The following MGST1 variants were observed in gnomAD, a reference collection of about 807,000 sequenced individuals.
The protein encoded by MGST1 is glutathione S-transferase 12.
MGST1 carries 5 observed loss-of-function variants against 8.9 expected under a neutral mutation model. The ratio of observed to expected loss-of-function variants is 0.56; its 90% CI spans 0.29 to 1.19. The LOEUF is 1.19. Among genes scored for constraint, MGST1 ranks in the 50% most tolerant of loss-of-function variants. The pLI is 0.08. For synonymous variants in MGST1, 54 were observed against 67.8 expected, an observed-to-expected ratio of 0.80 and a Z score of 1.00; for missense variants, 182 against 187.4, an observed-to-expected ratio of 0.97 and a Z score of 0.17.
In MGST1 at chr12:16,553,044, T is replaced by C. The variant is rs1833052346; in HGVS notation, n.483-36484T>C. 3.3e-5 allele frequency among the ~76,000 whole-genome samples: 5 copies of C among 152,260 alleles called. No homozygotes were observed. In the South Asian group the frequency reaches 1.0e-3, roughly 32 times the overall value. On this transcript the variant is annotated intron_variant and non_coding_transcript_variant, in intron 4 of 4. Coordinates refer to the MGST1 transcript ENST00000538857. ...TGGCAAGGAGTAGAAATGAAATATC[T>C]AAAATCTTACCTCAATGTTTGAAAC... is the stretch of plus-strand genomic sequence containing the variant.
Position 16,560,573 on chromosome 12 carries a change from T to C in MGST1, n.483-28955T>C. 1.1e-5 allele frequency: 18 copies of C among 1,584,492 alleles called. No individual in the cohort carries two copies. Among genetic ancestry groups the C allele is most frequent in the Non-Finnish European group, 1.6e-5 (18 of 1,160,708 alleles). ...GAAACATTTTTTTTTTTTTACAAAC[T>C]CTTACAGAGAAATCTGAGATCGTGA... On this transcript the variant is annotated intron_variant and non_coding_transcript_variant, in intron 4 of 4. Transcript: ENST00000538857. The surrounding 1 kb of genome is among the most constrained non-coding windows in gnomAD (Gnocchi z 5.0).
rs148960069 is a variant in MGST1 at position 16,417,696 on chromosome 12, A to T, written n.779-19692A>T. On this transcript the variant is annotated intron_variant and non_coding_transcript_variant, in intron 1 of 1. Transcript: ENST00000359720. ...GCTCAACAGTAAAGTAAGCAAATCA[A>T]TACCTCTAACTTATGGTAGGTTAAT... Among the ~76,000 whole-genome samples, 440 of 152,280 alleles carry T rather than the reference A, an allele frequency of 2.9e-3. 3 individuals carry two copies. The highest frequency in any genetic ancestry group is 1.0e-2 in the African/African-American group (415 of 41,576).
At chr12:16,358,823 T>C (rs1398657492) in intron 3 of MGST1, among the ~76,000 whole-genome samples, 4 of 135,446 alleles carry the variant, frequency 3.0e-5, no homozygotes, top group African/African-American at 1.1e-4. Context: ...CTGTGTAGTA[T>C]TCCATGGTGT....
chr12:16,419,443 G>C (rs887803371), intron 1 of MGST1, among the ~76,000 whole-genome samples: 1 of 152,070 alleles, frequency 6.6e-6, no homozygotes, highest in Non-Finnish European at 1.5e-5. Context: ...AGAGAGATAG[G>C]TGCCTTTATT....
chr12:16,433,485 G>A (rs1940956978), intron 1 of MGST1, among the ~76,000 whole-genome samples: 1 of 152,010 alleles, frequency 6.6e-6, no homozygotes, highest in Non-Finnish European at 1.5e-5. Flanking sequence ...GCTGAAGGTA[G>A]GAAAAAGCCT....
intron 4 of MGST1, among the ~76,000 whole-genome samples, chr12:16,512,813 A>G (rs1253651914): frequency 6.6e-6 from 1 of 152,170 alleles, no homozygotes; most frequent in Non-Finnish European, 1.5e-5. Context: ...CAGTATCTCT[A>G]TTTTTTCATT....
intron 4 of MGST1, among the ~76,000 whole-genome samples, chr12:16,449,248 G>C (rs1014205461): frequency 6.6e-6 from 1 of 151,824 alleles, no homozygotes; most frequent in African/African-American, 2.4e-5. Context: ...GAAGGTAAAC[G>C]GGAGGTCAGT....
intron 3 of MGST1, chr12:16,360,453 G>A: frequency 1.3e-6 from 1 of 750,462 alleles, no homozygotes; most frequent in Non-Finnish European, 1.6e-6. Context: ...GGTAATATGT[G>A]TTGAAATACC....
chr12:16,486,149 A>G (rs535242591), intron 4 of MGST1, among the ~76,000 whole-genome samples: 1 of 152,244 alleles, frequency 6.6e-6, no homozygotes, highest in South Asian at 2.1e-4. Context: ...ACAAAATTAC[A>G]TCCCTATTCC....
intron 4 of MGST1, among the ~76,000 whole-genome samples, chr12:16,556,467 T>A (rs975150426): frequency 2.0e-5 from 3 of 152,236 alleles, no homozygotes; most frequent in African/African-American, 7.2e-5. Flanking sequence ...TGCTACTTTT[T>A]AAAACATTCA....
At chr12:16,574,435 C>T (rs1428383967) in intron 4 of MGST1, among the ~76,000 whole-genome samples, 1 of 152,064 alleles carries the variant, frequency 6.6e-6, no homozygotes, top group Non-Finnish European at 1.5e-5. Context: ...CCTAAAATCT[C>T]CTGTGACAGA....
chr12:16,463,840 T>A (rs187914586), intron 4 of MGST1, among the ~76,000 whole-genome samples: 2 of 152,328 alleles, frequency 1.3e-5, no homozygotes, highest in Admixed American at 6.5e-5. Context: ...TCTTGGTCAA[T>A]AACTACCACA....
At chr12:16,538,047 T>A (rs892842604) in intron 4 of MGST1, among the ~76,000 whole-genome samples, 29 of 152,228 alleles carry the variant, frequency 1.9e-4, no homozygotes, top group African/African-American at 6.5e-4. Context: ...TATGCTCTTT[T>A]TCCCTTTTAA....
chr12:16,373,699 G>A (rs986054264), intron 3 of MGST1, among the ~76,000 whole-genome samples: 2 of 151,860 alleles, frequency 1.3e-5, no homozygotes, highest in Admixed American at 1.3e-4. Context: ...CTGACTAACT[G>A]GTGCCAGAAT....
intron 4 of MGST1, among the ~76,000 whole-genome samples, chr12:16,484,911 A>G: frequency 6.6e-6 from 1 of 152,224 alleles, no homozygotes; most frequent in Non-Finnish European, 1.5e-5. Context: ...GAGTAAAAGC[A>G]GATTGCACCT....
At chr12:16,407,691 A>C (rs1324787670) in intron 1 of MGST1, among the ~76,000 whole-genome samples, 1 of 151,756 alleles carries the variant, frequency 6.6e-6, no homozygotes, top group Admixed American at 6.6e-5. Context: ...GAACTAGATA[A>C]AAAAAAATAT....
At chr12:16,372,938 TATATTATATATTACATATTAC>T (rs1400053288) in intron 3 of MGST1, among the ~76,000 whole-genome samples, 2 of 141,876 alleles carry the variant, frequency 1.4e-5, no homozygotes, top group African/African-American at 2.7e-5. Context: ...TTGTATATTT[TATATTATATATTACATATTAC>T]ATATTATATA....
At chr12:16,380,774 G>A (rs2137039467), downstream of MGST1, among the ~76,000 whole-genome samples, 1 of 152,270 alleles carries the variant, frequency 6.6e-6, no homozygotes, top group African/African-American at 2.4e-5. Flanking sequence ...TTGTGTGGGA[G>A]TCTAAGTCTC....
chr12:16,366,293 A>T (rs1940186587), downstream of MGST1, among the ~76,000 whole-genome samples: 1 of 150,424 alleles, frequency 6.6e-6, no homozygotes, highest in African/African-American at 2.4e-5. This position sits in a 1 kb window ranked among gnomAD's most constrained non-coding sequence, Gnocchi z 4.0. Flanking sequence ...AATAGTTTCT[A>T]ACTATACTTT....
Sources: allele counts gnomAD v4.1 joint callset (sites outside exome capture counted in the v4.1 genomes callset), GRCh38; gene constraint gnomAD v4.1.1; non-coding constraint Gnocchi (gnomAD v3.1); transcripts MANE v1.5; gene names NCBI Gene and HGNC (gene_info 2026-07-23, HGNC 2026-07-21).